Variants in NEDD4 observed in about 807,000 individuals in gnomAD.
NEDD4 encodes NEDD4 E3 ubiquitin protein ligase, also known as E3 ubiquitin-protein ligase NEDD4.
NEDD4 carries 99 observed loss-of-function variants against 144.9 expected under a neutral mutation model. That is an observed-to-expected ratio of 0.68 (90% CI 0.58 to 0.81). NEDD4 has a LOEUF of 0.81. Ranked by LOEUF, NEDD4 falls within the 30% of genes least tolerant of loss-of-function variation. NEDD4 has a pLI of 0.00. For missense variants in NEDD4, 985 were observed against 1,065.9 expected (o/e 0.92, Z 1.06); for synonymous variants, 318 against 350.6 (o/e 0.91, Z 1.04).
chr15:55,904,288 T>C (rs2036012818), intron 5 of NEDD4, among the ~76,000 whole-genome samples: 1 of 152,110 alleles, frequency 6.6e-6, no homozygotes, highest in African/African-American at 2.4e-5. Flanking sequence ...CTTGTTCTAT[T>C]TCCATACACC....
At chr15:55,862,744 C>T (rs17238482) in intron 9 of NEDD4, among the ~76,000 whole-genome samples, 169 bp downstream of exon 9, 13,999 of 152,080 alleles carry the variant, frequency 0.092, 711 homozygotes, top group Middle Eastern at 0.15. Flanking sequence ...ATTTAAAAAA[C>T]GAAACAGCAG....
chr15:55,992,149 A>G (rs1463747697), intron 1 of NEDD4: 1 of 152,210 alleles, frequency 6.6e-6, no homozygotes, highest in African/African-American at 2.4e-5. Flanking sequence ...GTGCTGTATT[A>G]TCTTCTGATC....
chr15:55,884,868 T>C (rs184815131), intron 5 of NEDD4, among the ~76,000 whole-genome samples: 3 of 152,088 alleles, frequency 2.0e-5, no homozygotes, highest in Admixed American at 1.3e-4. Context: ...GAGACAGAGA[T>C]TGAAGTAGAA....
intron 4 of NEDD4, among the ~76,000 whole-genome samples, chr15:55,948,499 A>T (rs1418795884): frequency 6.6e-6 from 1 of 152,198 alleles, no homozygotes; most frequent in African/African-American, 2.4e-5. Context: ...TAGCCAAGAC[A>T]ATCCTAAGCA....
intron 2 of NEDD4, among the ~76,000 whole-genome samples, chr15:55,954,296 C>T (rs767318805): frequency 7.9e-5 from 12 of 152,130 alleles, no homozygotes; most frequent in Middle Eastern, 3.2e-3. Context: ...CTTACTTAGG[C>T]ACCTCTTCTA....
At chr15:55,839,819 T>C (rs1015450934) in intron 21 of NEDD4, among the ~76,000 whole-genome samples, 5 of 150,516 alleles carry the variant, frequency 3.3e-5, no homozygotes, top group Admixed American at 6.6e-5. Flanking sequence ...CTACTAAATA[T>C]ACAAAAATTA....
At chr15:55,876,440 A>G (rs1159166140) in intron 5 of NEDD4, among the ~76,000 whole-genome samples, 1 of 152,156 alleles carries the variant, frequency 6.6e-6, no homozygotes, top group Non-Finnish European at 1.5e-5. Context: ...CTATGGGTTT[A>G]AAATATATGT....
chr15:55,924,696 GAACCTAAGAAAAACAC>G lies in NEDD4; in HGVS notation c.238-13_240del. ...AAAAGAAGCCGGTGCTGCTGAGGAT[GAACCTAAGAAAAACAC>G]AATCTTTATTTAAAAACAAGTAAAC... On this transcript the variant is annotated splice_acceptor_variant and splice_polypyrimidine_tract_variant and coding_sequence_variant and intron_variant, in exon 5 of 29. Coordinates refer to ENST00000435532, the MANE Select transcript of NEDD4 (RefSeq NM_006154.4). LOFTEE classifies it high-confidence loss of function. 2 of 1,607,688 alleles carry G rather than the reference GAACCTAAGAAAAACAC, an allele frequency of 1.2e-6. No homozygotes were observed. The highest frequency in any genetic ancestry group is 1.7e-6 in the Non-Finnish European group (2 of 1,176,950).
intron 28 of NEDD4, 94 bp from the exon 29 acceptor site, chr15:55,830,093 G>C (rs1173117021): frequency 1.2e-6 from 1 of 843,136 alleles, no homozygotes; most frequent in Admixed American, 2.6e-5. Context: ...TGATGAGAAT[G>C]TTCCAACACC....
At chr15:55,982,019 A>G (rs2037812231) in intron 1 of NEDD4, among the ~76,000 whole-genome samples, 1 of 152,228 alleles carries the variant, frequency 6.6e-6, no homozygotes, top group Non-Finnish European at 1.5e-5. Flanking sequence ...TCTGTTTTTT[A>G]TACACAAAGT....
At chr15:55,940,931 C>T (rs1204289041) in intron 4 of NEDD4, among the ~76,000 whole-genome samples, 1 of 152,008 alleles carries the variant, frequency 6.6e-6, no homozygotes, top group Non-Finnish European at 1.5e-5. Flanking sequence ...ACATTAATTC[C>T]TCTAACAGAT....
At chr15:55,958,022 G>C (rs1293472667) in intron 2 of NEDD4, among the ~76,000 whole-genome samples, 1 of 152,088 alleles carries the variant, frequency 6.6e-6, no homozygotes. Context: ...TAATGTAAAC[G>C]ATGAGTTGAT....
At chr15:55,966,185 G>A (rs1270351327) in intron 2 of NEDD4, among the ~76,000 whole-genome samples, 3 of 152,162 alleles carry the variant, frequency 2.0e-5, no homozygotes, top group Non-Finnish European at 2.9e-5. Flanking sequence ...CAGAGTTTAT[G>A]GTTGTTATCT....
chr15:55,886,552 G>C (rs1428465063), intron 5 of NEDD4, among the ~76,000 whole-genome samples: 1 of 152,088 alleles, frequency 6.6e-6, no homozygotes, highest in Non-Finnish European at 1.5e-5. Flanking sequence ...GGATCACGAG[G>C]TCAGAGATCG....
chr15:55,888,028 C>G (rs1280051358), intron 5 of NEDD4, among the ~76,000 whole-genome samples: 1 of 152,108 alleles, frequency 6.6e-6, no homozygotes, highest in Non-Finnish European at 1.5e-5. Flanking sequence ...TAGTGAATAT[C>G]ATACTGAATA....
chr15:55,865,892 G>T (rs1387671796), intron 8 of NEDD4, among the ~76,000 whole-genome samples: 2 of 152,042 alleles, frequency 1.3e-5, no homozygotes, highest in Non-Finnish European at 2.9e-5. Context: ...GAAGATGACA[G>T]AATAAATTAT....
chr15:55,911,202 T>C (rs1566946582), intron 5 of NEDD4, among the ~76,000 whole-genome samples: 1 of 152,152 alleles, frequency 6.6e-6, no homozygotes, highest in Non-Finnish European at 1.5e-5. Context: ...CACTTTTTGA[T>C]TGTCACACTG....
rs373470424 is a variant in NEDD4, at chr15:55,850,650, G to C, written c.1239C>G (p.Thr413=). 1.2e-6 allele frequency: 2 copies of C among 1,614,092 alleles called. No homozygotes were observed. Among genetic ancestry groups the C allele is most frequent in the Non-Finnish European group, 1.7e-6 (2 of 1,180,014 alleles). ...ASTSDSGQQV[T]QPSEIEQGFL... ...ATCCTTGCTCAATTTCAGATGGCTG[G>C]GTCACCTGCTGGCCTGAATCACTGG... Residue 413 remains threonine, a synonymous_variant, in exon 14 of 29, where the codon ACC becomes ACG. Coordinates refer to ENST00000435532, the MANE Select transcript of NEDD4 (RefSeq NM_006154.4).
At chr15:55,958,462 T>A (rs1450751855) in intron 2 of NEDD4, among the ~76,000 whole-genome samples, 2 of 152,242 alleles carry the variant, frequency 1.3e-5, no homozygotes, top group African/African-American at 2.4e-5. Flanking sequence ...TTTCTTGTGA[T>A]GTCTGTGTCT....
Sources: allele counts gnomAD v4.1 joint callset (sites outside exome capture counted in the v4.1 genomes callset), GRCh38; gene constraint gnomAD v4.1.1; transcripts MANE v1.5; gene names NCBI Gene and HGNC (gene_info 2026-07-23, HGNC 2026-07-21).